CPSF3: variants seen among roughly 807,000 people sequenced by gnomAD.
CPSF3 encodes the protein cleavage and polyadenylation specific factor 3, also known as cleavage and polyadenylation specificity factor subunit 3.
In CPSF3, 57 loss-of-function variants were observed where a neutral mutation model predicts 84.1. The observed-to-expected ratio is 0.68, with a 90% CI of 0.55 to 0.85. CPSF3 has a LOEUF of 0.85. Ranked by LOEUF, CPSF3 falls within the 40% of genes least tolerant of loss-of-function variation. CPSF3 has a pLI of 0.00. For missense variants in CPSF3, 522 were observed against 838.8 expected (o/e 0.62, Z 4.66); for synonymous variants, 275 against 278.1 (o/e 0.99, Z 0.11).
chr2:9,429,694 G>A (rs917491841), intron 2 of CPSF3, among the ~76,000 whole-genome samples: 4 of 152,116 alleles, frequency 2.6e-5, no homozygotes, highest in African/African-American at 9.7e-5. Flanking sequence ...AAGCTGTTTT[G>A]TACTTTGCAT....
At chr2:9,435,545 C>G (rs1680748247) in intron 6 of CPSF3, among the ~76,000 whole-genome samples, 1 of 151,870 alleles carries the variant, frequency 6.6e-6, no homozygotes, top group Non-Finnish European at 1.5e-5. Flanking sequence ...CCTCAGCCTC[C>G]TGACTAGCTG....
chr2:9,456,999 T>C lies in CPSF3; in HGVS notation c.1670T>C (p.Ile557Thr), dbSNP rs1681553736. 1.9e-6 allele frequency: 3 copies of C among 1,600,344 alleles called. No homozygotes were observed. The African/African-American group carries it at 4.0e-5, about 21-fold the overall frequency. ...ALKVFKNITV[I>T]QEPGMVVLEW... ...AAAGTGTTCAAAAATATTACTGTAA[T>C]ACAAGAACCAGGCATGGTGGTATTA... Residue 557 changes from isoleucine (I) to threonine (T), a missense_variant, in exon 14 of 18, where the codon ATA (isoleucine) becomes ACA (threonine). By Grantham distance (89) the Ile-to-Thr change is moderately conservative (BLOSUM62 -1). Coordinates refer to ENST00000238112, the MANE Select transcript of CPSF3 (RefSeq NM_016207.4).
At chr2:9,446,625 G>A (rs986590690) in intron 10 of CPSF3, among the ~76,000 whole-genome samples, 13 of 151,550 alleles carry the variant, frequency 8.6e-5, no homozygotes, top group African/African-American at 3.1e-4. Context: ...TAGGCATGGT[G>A]GTTCACACCT....
intron 12 of CPSF3, among the ~76,000 whole-genome samples, chr2:9,454,381 C>T (rs1681439520): frequency 6.6e-6 from 1 of 152,026 alleles, no homozygotes; most frequent in African/African-American, 2.4e-5. Flanking sequence ...GCACTCCAAC[C>T]CGGGCAACAG....
chr2:9,430,879 A>G lies in CPSF3; in HGVS notation c.340A>G (p.Ser114Gly). ...RWLLSDYVKVSNISADDMLYT... is the reference protein window; with the variant it reads ...RWLLSDYVKVGNISADDMLYT... Reference sequence around the variant, plus strand: ...GCTTCTTTCTGATTATGTCAAAGTTAGGTAAATTACTTTATTAGATTATAC... The same window carrying G: ...GCTTCTTTCTGATTATGTCAAAGTTGGGTAAATTACTTTATTAGATTATAC... The change falls in exon 4 of 18, where the codon AGT becomes GGT. Residue 114 changes from serine to glycine, a missense_variant and splice_region_variant. Ser to Gly is a moderately conservative substitution (Grantham distance 56). This residue lies in a region of CPSF3 where 329 missense variants were observed against 607.2 expected (regional missense o/e 0.54). Coordinates refer to ENST00000238112, the MANE Select transcript of CPSF3 (RefSeq NM_016207.4). 6.2e-7 allele frequency: 1 copy of G among 1,611,226 alleles called. No homozygotes were observed. The highest frequency in any genetic ancestry group is 8.5e-7 in the Non-Finnish European group (1 of 1,177,734).
At chr2:9,472,334 A>G (rs1303207629) in intron 17 of CPSF3, among the ~76,000 whole-genome samples, 4 of 151,978 alleles carry the variant, frequency 2.6e-5, no homozygotes, top group Non-Finnish European at 5.9e-5. Flanking sequence ...AAAAAAAAAA[A>G]AAGAAGCAAC....
chr2:9,424,016 G>A, intron 1 of CPSF3, 193 bp downstream of exon 1: 1 of 1,321,110 alleles, frequency 7.6e-7, no homozygotes, highest in South Asian at 2.0e-5. Context: ...GCTATAGAGT[G>A]AACGGGATTT....
intron 8 of CPSF3, among the ~76,000 whole-genome samples, chr2:9,441,362 T>G (rs564325606): frequency 1.3e-5 from 2 of 152,256 alleles, no homozygotes; most frequent in African/African-American, 4.8e-5. Context: ...TTAAGGATTG[T>G]AGACAAGTTC....
chr2:9,453,935 T>G (rs901990058), intron 12 of CPSF3, among the ~76,000 whole-genome samples: 2 of 152,174 alleles, frequency 1.3e-5, no homozygotes, highest in East Asian at 3.8e-4. Context: ...TACATTTAAG[T>G]TTGTAAATTG....
chr2:9,449,678 G>A (rs1681250469), intron 11 of CPSF3, among the ~76,000 whole-genome samples: 1 of 152,098 alleles, frequency 6.6e-6, no homozygotes, highest in Non-Finnish European at 1.5e-5. Context: ...AGAGGTTGAG[G>A]CTACAGTGAG....
At chr2:9,472,815 A>AT (rs887197829) in intron 17 of CPSF3, 101 bp from the exon 18 acceptor site, 14 of 867,504 alleles carry the variant, frequency 1.6e-5, no homozygotes, top group Non-Finnish European at 2.4e-5. Flanking sequence ...CAGCTGGCTA[A>AT]TTTTTTATGA....
intron 1 of CPSF3, among the ~76,000 whole-genome samples, chr2:9,427,690 C>T (rs1290076567): frequency 1.3e-5 from 2 of 152,054 alleles, no homozygotes; most frequent in Admixed American, 1.3e-4. Flanking sequence ...AGGTCAGGGT[C>T]CCTGTAAGGC....
At position 9,466,341 on chromosome 2, in the gene CPSF3, C is replaced by CGT. The variant is rs1553348591; in HGVS notation, c.1787-1365_1787-1364insTG. 1.1e-4 allele frequency among the ~76,000 whole-genome samples: 8 copies of CGT among 69,628 alleles called. 1 individual carries two copies. The highest frequency in any genetic ancestry group is 8.7e-4 in the Admixed American group (7 of 8,068). The allele number at this position is 69,628 out of a possible 152,430, so 45.7% of individuals were successfully genotyped here. ...GCACGCACACAGACGCACGCACACA[C>CGT]GCGCGCGCGCGCACACACACACGCA... On this transcript the variant is annotated intron_variant, in intron 15 of 17. Coordinates refer to ENST00000238112, the MANE Select transcript of CPSF3 (RefSeq NM_016207.4).
At chr2:9,431,634 C>G (rs1680595016) in intron 4 of CPSF3, among the ~76,000 whole-genome samples, 1 of 149,536 alleles carries the variant, frequency 6.7e-6, no homozygotes, top group Non-Finnish European at 1.5e-5. Context: ...AACCTCTGCT[C>G]CCGGGTTCAG....
At chr2:9,470,198 G>A (rs1363987173) in intron 16 of CPSF3, among the ~76,000 whole-genome samples, 1 of 152,130 alleles carries the variant, frequency 6.6e-6, no homozygotes, top group Non-Finnish European at 1.5e-5. Context: ...CTCCAGCCTG[G>A]GCAACAAGCA....
At position 9,457,024 on chromosome 2, in the gene CPSF3, A is replaced by G; in HGVS notation, c.1695A>G (p.Leu565=). 1 of 1,566,058 alleles carries G rather than the reference A, an allele frequency of 6.4e-7. No individual in the cohort carries two copies. Among genetic ancestry groups the G allele is most frequent in the Non-Finnish European group, 8.7e-7 (1 of 1,146,102 alleles). ...TACAAGAACCAGGCATGGTGGTATT[A>G]GAAGTAAGAAAAGATCATTTACCTA... ...TVIQEPGMVV[L]EWLANPSNDM... Residue 565 remains leucine, a synonymous_variant, in exon 14 of 18, where the codon TTA becomes TTG. Transcript: ENST00000238112.
At chr2:9,469,656 A>C (rs1682095784) in intron 16 of CPSF3, among the ~76,000 whole-genome samples, 3 of 148,098 alleles carry the variant, frequency 2.0e-5, no homozygotes, top group African/African-American at 7.5e-5. Flanking sequence ...CCTCTCCCTC[A>C]CCTCCCACAA....
At chr2:9,428,880 G>A (rs771247623) in intron 2 of CPSF3, 52 bp downstream of exon 2, 1 of 1,094,496 alleles carries the variant, frequency 9.1e-7, no homozygotes, top group Non-Finnish European at 1.4e-6. Flanking sequence ...TCTGTATTGG[G>A]TGTTAGTCTT....
chr2:9,456,360 A>G (rs549523045), intron 13 of CPSF3, among the ~76,000 whole-genome samples: 1 of 152,376 alleles, frequency 6.6e-6, no homozygotes, highest in African/African-American at 2.4e-5. Flanking sequence ...ATTTTCCATC[A>G]GTAACGCTCT....
Sources: gnomAD v4.1 joint callset for allele counts (sites outside exome capture counted in the v4.1 genomes callset) on GRCh38, gnomAD v4.1.1 for gene constraint, gnomAD v4.1.1 regional missense constraint, MANE v1.5 for transcripts, NCBI Gene and HGNC (gene_info 2026-07-23, HGNC 2026-07-21) for gene names.